DCUN1D2: variants seen among roughly 807,000 people sequenced by gnomAD.
The protein encoded by DCUN1D2 is DCN1-like protein 2.
In DCUN1D2, 29 loss-of-function variants were observed where a neutral mutation model predicts 30.9. That is an observed-to-expected ratio of 0.94 (90% confidence interval 0.70 to 1.28). The LOEUF is 1.28. DCUN1D2 is among the 50% of genes most tolerant of loss of function. The pLI is 0.00. For missense variants in DCUN1D2, 325 were observed against 316.9 expected (o/e 1.03, Z -0.19); for synonymous variants, 121 against 115.3 (o/e 1.05, Z -0.32).
At chr13:113,467,323 T>C (rs2044422653) in intron 4 of DCUN1D2, among the ~76,000 whole-genome samples, 1 of 152,166 alleles carries the variant, frequency 6.6e-6, no homozygotes, top group South Asian at 2.1e-4. Flanking sequence ...TTTTAAAAAA[T>C]ATAATACTTG....
At chr13:113,481,464 A>G (rs1174517631) in intron 2 of DCUN1D2, among the ~76,000 whole-genome samples, 1 of 152,242 alleles carries the variant, frequency 6.6e-6, no homozygotes, top group African/African-American at 2.4e-5. Flanking sequence ...TTAGAAGGTA[A>G]AAGTAGAAAA....
At chr13:113,467,070 A>C (rs1178407058) in intron 4 of DCUN1D2, among the ~76,000 whole-genome samples, 1 of 151,910 alleles carries the variant, frequency 6.6e-6, no homozygotes, top group Non-Finnish European at 1.5e-5. Context: ...GGCCTCCCAA[A>C]GTGCTGGGAT....
At chr13:113,458,254 C>T in intron 6 of DCUN1D2, 146 bp from the exon 7 acceptor site, 1 of 733,162 alleles carries the variant, frequency 1.4e-6, no homozygotes, top group Non-Finnish European at 2.4e-6. Context: ...AATGAACCAG[C>T]CCAAGTTACC....
chr13:113,486,233 G>A (rs991709097), intron 1 of DCUN1D2, among the ~76,000 whole-genome samples: 1 of 151,974 alleles, frequency 6.6e-6, no homozygotes, highest in African/African-American at 2.4e-5. Context: ...ATTTTCCTAA[G>A]TGAACTGGCG....
chr13:113,487,432 C>T lies in DCUN1D2; in HGVS notation c.3+3235G>A, dbSNP rs545045916. Among the ~76,000 whole-genome samples the T allele has an allele frequency of 2.0e-5, 3 of 152,324 alleles. No individual in the cohort carries two copies. In the South Asian group the frequency reaches 6.2e-4, roughly 32 times the overall value. On this transcript the variant is annotated intron_variant, in intron 1 of 6. Transcript: ENST00000478244. Reference sequence around the variant, plus strand: ...ACATGCCACATGGATGAACTTTTGACACTGAGTAAAAGAAACCAGGCACAA... The same window carrying T: ...ACATGCCACATGGATGAACTTTTGATACTGAGTAAAAGAAACCAGGCACAA...
chr13:113,487,068 C>A (rs769454334), intron 1 of DCUN1D2, among the ~76,000 whole-genome samples: 29 of 152,180 alleles, frequency 1.9e-4, no homozygotes, highest in Non-Finnish European at 2.8e-4. Flanking sequence ...ACAAAAAATT[C>A]AAGGTTGTAT....
At chr13:113,462,972 T>C (rs2044343290) in intron 4 of DCUN1D2, 6 of 788,026 alleles carry the variant, frequency 7.6e-6, no homozygotes, top group African/African-American at 1.9e-5. Flanking sequence ...TAAAAACTTT[T>C]CTTACAAAGG....
chr13:113,462,763 TAAG>T (rs2044339415), intron 4 of DCUN1D2: 1 of 1,066,512 alleles, frequency 9.4e-7, no homozygotes, highest in Non-Finnish European at 1.1e-6. Context: ...AGTAAAATGC[TAAG>T]AAGATGATTA....
chr13:113,457,752 A>G lies in DCUN1D2; in HGVS notation c.*277T>C, dbSNP rs75173233. 2.7e-3 allele frequency: 998 copies of G among 376,368 alleles called. 9 individuals carry two copies. The highest frequency in any genetic ancestry group is 0.018 in the African/African-American group (913 of 49,634). The allele number at this position is 376,368 out of a possible 1,614,324, so 23.3% of individuals were successfully genotyped here. A position where few individuals can be genotyped will look rare whatever the true frequency, so the allele number is the denominator to read the frequency against. The stretch of plus-strand genomic sequence containing the variant: ...GGCGGCGCTATGGCTCTACCTTAGT[A>G]TTTTGTAAATATTAAAAAATCATGC... On this transcript the variant is annotated 3_prime_UTR_variant, in exon 7 of 7. Coordinates refer to ENST00000478244, the MANE Select transcript of DCUN1D2 (RefSeq NM_001014283.2).
chr13:113,459,200 T>C, intron 6 of DCUN1D2, 112 bp downstream of exon 6: 1 of 670,448 alleles, frequency 1.5e-6, no homozygotes, highest in East Asian at 2.5e-5. Context: ...AAGGGGGTAG[T>C]ATTATGACCA....
chr13:113,483,221 ACATTTTGACAAGAAG>A (rs1368102648), intron 2 of DCUN1D2, among the ~76,000 whole-genome samples: 5 of 152,306 alleles, frequency 3.3e-5, no homozygotes, highest in South Asian at 4.1e-4. Flanking sequence ...AGTTCAAGGC[ACATTTTGACAAGAAG>A]CATTTTGACA....
At chr13:113,483,792 GC>G in intron 2 of DCUN1D2, 47 bp downstream of exon 2, 1 of 1,579,838 alleles carries the variant, frequency 6.3e-7, no homozygotes, top group Non-Finnish European at 8.6e-7. Flanking sequence ...CGCGCAGGCC[GC>G]TCGCGGAGGC....
Position 113,488,336 on chromosome 13 carries a change from C to T in DCUN1D2, c.3+2331G>A, listed in dbSNP as rs2044843980. On this transcript the variant is annotated intron_variant, in intron 1 of 6. Coordinates refer to ENST00000478244, the MANE Select transcript of DCUN1D2 (RefSeq NM_001014283.2). The surrounding 1 kb of genome is among the most constrained non-coding windows in gnomAD (Gnocchi z 4.3). ...GGTCTAGGCTTAGTCCATTAACAGG[C>T]CTCTGGTCAGTCAACAAAGCTGCAA... Among the ~76,000 whole-genome samples the T allele has an allele frequency of 6.6e-6, 1 of 152,202 alleles. No individual in the cohort carries two copies. The highest frequency in any genetic ancestry group is 2.4e-5 in the African/African-American group (1 of 41,448).
chr13:113,460,732 C>T (rs1049432125), intron 5 of DCUN1D2, among the ~76,000 whole-genome samples: 3 of 152,208 alleles, frequency 2.0e-5, no homozygotes, highest in Admixed American at 2.0e-4. Context: ...ACAGAATTAC[C>T]GTCTAGGTCC....
At chr13:113,487,663 G>A (rs144331370) in intron 1 of DCUN1D2, among the ~76,000 whole-genome samples, 2 of 152,186 alleles carry the variant, frequency 1.3e-5, no homozygotes, top group African/African-American at 4.8e-5. Context: ...CATCTATATA[G>A]AGAGAAAGGT....
intron 1 of DCUN1D2, chr13:113,489,163 T>C (rs980809474): frequency 5.1e-6 from 5 of 985,244 alleles, no homozygotes; most frequent in Non-Finnish European, 6.0e-6. Flanking sequence ...TCTGTTTCGG[T>C]ATACAGCACG....
intron 4 of DCUN1D2, chr13:113,462,998 T>C (rs901180337): frequency 5.6e-6 from 2 of 359,956 alleles, no homozygotes; most frequent in African/African-American, 2.2e-5. Flanking sequence ...ATTTGTATGT[T>C]TGTCAATCAC....
chr13:113,462,951 A>G, intron 4 of DCUN1D2: 1 of 1,089,478 alleles, frequency 9.2e-7, no homozygotes, highest in Non-Finnish European at 1.1e-6. Context: ...ACTTTGGGTT[A>G]GTTTTGGTGC....
At position 113,477,515 on chromosome 13, in the gene DCUN1D2, A is replaced by T. The variant is rs187509434; in HGVS notation, c.389+3060T>A. Reference sequence around the variant, plus strand: ...TTGGCTAACGTCACTATTGATTTGAATATTTTACCCATAGGGTGGACTAGC... The same window carrying T: ...TTGGCTAACGTCACTATTGATTTGATTATTTTACCCATAGGGTGGACTAGC... On this transcript the variant is annotated intron_variant, in intron 3 of 6. Transcript: ENST00000478244. 2.6e-3 allele frequency among the ~76,000 whole-genome samples: 389 copies of T among 152,292 alleles called. 3 individuals carry two copies. Among genetic ancestry groups the T allele is most frequent in the African/African-American group, 9.0e-3 (373 of 41,550 alleles).
Sources: gnomAD v4.1 joint callset for allele counts (sites outside exome capture counted in the v4.1 genomes callset) on GRCh38, gnomAD v4.1.1 for gene constraint, Gnocchi (gnomAD v3.1) non-coding constraint, MANE v1.5 for transcripts, NCBI Gene and HGNC (gene_info 2026-07-23, HGNC 2026-07-21) for gene names.